The following ZFTA variants were observed in gnomAD, a reference collection of about 807,000 sequenced individuals.
ZFTA encodes zinc finger translocation associated.
Under a neutral mutation model 41.8 loss-of-function variants are expected in ZFTA, and 35 were observed. The ratio of observed to expected loss-of-function variants is 0.84; its 90% CI spans 0.64 to 1.11. ZFTA has a LOEUF of 1.11. ZFTA is among the 50% of genes most tolerant of loss of function. The probability of loss-of-function intolerance (pLI) is 0.00; values close to 1 mark genes in which losing one functional copy is unlikely to be tolerated. For synonymous variants in ZFTA, 514 were observed against 436.4 expected (o/e 1.18, Z -2.22); for missense variants, 964 against 989.8 (o/e 0.97, Z 0.35).
intron 1 of ZFTA, 42 bp downstream of exon 1, chr11:63,768,442 C>G (rs952266842): frequency 9.2e-7 from 1 of 1,083,346 alleles, no homozygotes; most frequent in Non-Finnish European, 1.1e-6. Context: ...TCCCTTCCCC[C>G]ACGCCGGGGC....
Position 63,764,240 on chromosome 11 carries a change from G to A in ZFTA, c.1383C>T (p.Arg461=). ...MSTIERHIRR[R]HPGSTRLGGP... ...CGCCGAGGCGCGTGGAGCCCGGGTGGCGCCGGCGGATGTGGCGCTCGATGG... is the reference window on the plus strand; with the variant it reads ...CGCCGAGGCGCGTGGAGCCCGGGTGACGCCGGCGGATGTGGCGCTCGATGG... The change falls in exon 4 of 5, where the codon CGC becomes CGT. Residue 461 remains arginine (R), a synonymous_variant. Coordinates refer to ENST00000433688, the MANE Select transcript of ZFTA (RefSeq NM_001144936.2). 6.9e-7 allele frequency: 1 copy of A among 1,447,308 alleles called. No individual in the cohort carries two copies. The highest frequency in any genetic ancestry group is 9.0e-7 in the Non-Finnish European group (1 of 1,107,326). 89.7% of individuals were successfully genotyped at this position (1,447,308 alleles called of 1,614,324 possible). A position where few individuals can be genotyped will look rare whatever the true frequency, so the allele number is the denominator to read the frequency against.
chr11:63,763,859 C>A lies in ZFTA; in HGVS notation c.1596G>T (p.Pro532=), dbSNP rs2135092597. ...GCTCCAAGGGAGCTCCAGGGGACAG[C>A]GGAACGTCGCCTAAGGAGGGACAAA... ...EEEEEEWGDV[P]LSPGAPLERP... Residue 532 remains proline (P), a synonymous_variant, in exon 5 of 5, where the codon CCG becomes CCT. Transcript: ENST00000433688. 1 of 1,424,422 alleles carries A rather than the reference C, an allele frequency of 7.0e-7. No homozygotes were observed. The highest frequency in any genetic ancestry group is 9.2e-7 in the Non-Finnish European group (1 of 1,089,496). The allele number at this position is 1,424,422 out of a possible 1,614,324, so 88.2% of individuals were successfully genotyped here.
At chr11:63,764,000 G>T in intron 4 of ZFTA, 38 bp downstream of exon 4, 1 of 1,301,108 alleles carries the variant, frequency 7.7e-7, no homozygotes, top group Non-Finnish European at 9.9e-7. Context: ...GCAACTGCCC[G>T]GCTCTCCCTC....
rs2014726567 is a variant in ZFTA, at chr11:63,765,194, C to T, written c.698G>A (p.Arg233Gln). Residue 233 changes from arginine to glutamine, a missense_variant, in exon 3 of 5, where the codon CGG (arginine) becomes CAG (glutamine). Physicochemically the swap from Arg to Gln is conservative, Grantham distance 43. Transcript: ENST00000433688. This position sits in a 1 kb window ranked among gnomAD's most constrained non-coding sequence, Gnocchi z 4.0. ...RQRRGGPVAP[R>Q]ARRLRLSASR... ...GGCTGAGAGGCGCAGACGCCGAGCC[C>T]GGGGTGCCACTGGGCCCCCTCGCCG... The T allele has an allele frequency of 6.6e-7, 1 of 1,507,864 alleles. No individual in the cohort carries two copies. The highest frequency in any genetic ancestry group is 2.4e-5 in the Admixed American group (1 of 41,876). The allele number at this position is 1,507,864 out of a possible 1,614,324, so 93.4% of individuals were successfully genotyped here.
chr11:63,763,477 C>T lies in ZFTA; in HGVS notation c.1978G>A (p.Ala660Thr), dbSNP rs1284803965. The change falls in exon 5 of 5, where the codon GCC becomes ACC. Residue 660 changes from alanine to threonine, a missense_variant. Ala to Thr is a moderately conservative substitution (Grantham distance 58). Coordinates refer to ENST00000433688, the MANE Select transcript of ZFTA (RefSeq NM_001144936.2). ...CYGHEGFGPP[A>T]PAPRDGGADL... ...GCGCCGCCGTCACGCGGCGCCGGGG[C>T]GGGCGGCCCGAAGCCCTCGTGGCCG... 2.0e-6 allele frequency: 3 copies of T among 1,509,342 alleles called. No individual in the cohort carries two copies. In the South Asian group the frequency reaches 3.7e-5, roughly 19 times the overall value. The allele number at this position is 1,509,342 out of a possible 1,614,324, so 93.5% of individuals were successfully genotyped here.
intron 1 of ZFTA, among the ~76,000 whole-genome samples, chr11:63,767,825 A>C (rs1344877516): frequency 6.6e-6 from 1 of 152,120 alleles, no homozygotes; most frequent in African/African-American, 2.4e-5. Flanking sequence ...AAAAATTCTG[A>C]AAAGAAGGGA....
chr11:63,766,596 G>C (rs1386295143), intron 1 of ZFTA, among the ~76,000 whole-genome samples: 1 of 152,210 alleles, frequency 6.6e-6, no homozygotes, highest in Non-Finnish European at 1.5e-5. Flanking sequence ...AACCAGCTCT[G>C]TAAGGTGCCC....
chr11:63,765,867 CCT>C lies in ZFTA; in HGVS notation c.575_576del (p.Glu192GlyfsTer85). On this transcript the variant is annotated frameshift_variant, in exon 2 of 5. Coordinates refer to ENST00000433688, the MANE Select transcript of ZFTA (RefSeq NM_001144936.2). LOFTEE classifies it high-confidence loss of function. The surrounding 1 kb of genome is among the most constrained non-coding windows in gnomAD (Gnocchi z 4.0). Reference protein sequence around the residue: ...LGVQGAEEEEEEEEEEEEEGA... With the variant: ...LGVQGAEEEEXEEEEEEEEGA... ...CCCTCCTCCTCCTCCTCTTCTTCCT[CCT>C]CCTCCTCCTCCTCAGCCCCCTGGAC... 1 of 1,502,272 alleles carries C rather than the reference CCT, an allele frequency of 6.7e-7. No individual in the cohort carries two copies. Among genetic ancestry groups the C allele is most frequent in the Non-Finnish European group, 8.9e-7 (1 of 1,121,916 alleles). The allele number at this position is 1,502,272 out of a possible 1,614,324, so 93.1% of individuals were successfully genotyped here.
Position 63,765,014 on chromosome 11 carries a change from G to A in ZFTA, c.878C>T (p.Pro293Leu). The A allele has an allele frequency of 1.3e-6, 2 of 1,548,988 alleles. No individual in the cohort carries two copies. Among genetic ancestry groups the A allele is most frequent in the Non-Finnish European group, 1.7e-6 (2 of 1,146,554 alleles). The change falls in exon 3 of 5, where the codon CCC becomes CTC. Residue 293 changes from proline (P) to leucine (L), a missense_variant. Physicochemically the swap from Pro to Leu is moderately conservative, Grantham distance 98 (BLOSUM62 -3). Around this residue, in one of 5 missense-constraint regions of ZFTA, gnomAD observed 584 missense variants for 523.1 expected, o/e 1.12. Coordinates refer to ENST00000433688, the MANE Select transcript of ZFTA (RefSeq NM_001144936.2). The surrounding 1 kb of genome is among the most constrained non-coding windows in gnomAD (Gnocchi z 4.0). ...ACGGATGTCGTCCAGGTGCAGGCTG[G>A]GCAGTGCCCGGCCACAGGCCATGCA... ...LVCMACGRAL[P>L]SLHLDDIRAH...
chr11:63,764,223 C>A lies in ZFTA; in HGVS notation c.1400G>T (p.Arg467Leu), dbSNP rs1170787626. The change falls in exon 4 of 5, where the codon CGC becomes CTC. Residue 467 changes from arginine to leucine, a missense_variant. Physicochemically the swap from Arg to Leu is moderately radical, Grantham distance 102 (BLOSUM62 -2). Coordinates refer to ENST00000433688, the MANE Select transcript of ZFTA (RefSeq NM_001144936.2). ...GAGGGCCTGGACAGGCCCGCCGAGG[C>A]GCGTGGAGCCCGGGTGGCGCCGGCG... ...HIRRRHPGST[R>L]LGGPVQALIA... 1 of 1,427,424 alleles carries A rather than the reference C, an allele frequency of 7.0e-7. No individual in the cohort carries two copies. The highest frequency in any genetic ancestry group is 3.0e-5 in the East Asian group (1 of 33,452). The allele number at this position is 1,427,424 out of a possible 1,614,324, so 88.4% of individuals were successfully genotyped here.
In ZFTA at chr11:63,768,732, G is replaced by A; in HGVS notation, c.-110C>T. 1 of 338,616 alleles carries A rather than the reference G, an allele frequency of 3.0e-6. No homozygotes were observed. The allele number at this position is 338,616 out of a possible 1,614,324, so 21.0% of individuals were successfully genotyped here. ...CGGGGCCCCGGGGCGCGGGGCGCAT[G>A]CACGGGGCGGCCGGCCGCACGGACG... is the stretch of plus-strand genomic sequence containing the variant. On this transcript the variant is annotated 5_prime_UTR_variant, in exon 1 of 5. Coordinates refer to ENST00000433688, the MANE Select transcript of ZFTA (RefSeq NM_001144936.2).
rs1426346708 is a variant in ZFTA at position 63,763,808 on chromosome 11, T to TTCGTCCTCC, written c.1638_1646dup (p.Glu549_Asp551dup). On this transcript the variant is annotated inframe_insertion, in exon 5 of 5. Coordinates refer to ENST00000433688, the MANE Select transcript of ZFTA (RefSeq NM_001144936.2). ...GTCCCCCAGGCTCCTGGCCGTCCTCTTCGTCCTCCTCTTCTTCGGCGGGCC... is the reference window on the plus strand; with the variant it reads ...GTCCCCCAGGCTCCTGGCCGTCCTCTTCGTCCTCCTCGTCCTCCTCTTCTTCGGCGGGCC... The TTCGTCCTCC allele has an allele frequency of 6.9e-7, 1 of 1,448,096 alleles. No individual in the cohort carries two copies. The highest frequency in any genetic ancestry group is 9.1e-7 in the Non-Finnish European group (1 of 1,103,108). The allele number at this position is 1,448,096 out of a possible 1,614,324, so 89.7% of individuals were successfully genotyped here. A position where few individuals can be genotyped will look rare whatever the true frequency, so the allele number is the denominator to read the frequency against.
In ZFTA at chr11:63,764,018, G is replaced by C. The variant is rs190405599; in HGVS notation, c.1585+20C>G. ...ACTGCCCGGCTCTCCCTCTCCGCCT[G>C]CTCTGGCCCCACCGCTCACCCCACT... On this transcript the variant is annotated intron_variant, in intron 4 of 4. Coordinates refer to ENST00000433688, the MANE Select transcript of ZFTA (RefSeq NM_001144936.2). 2.3e-6 allele frequency: 3 copies of C among 1,312,192 alleles called. No individual in the cohort carries two copies. Among genetic ancestry groups the C allele is most frequent in the Non-Finnish European group, 2.9e-6 (3 of 1,017,700 alleles). The allele number at this position is 1,312,192 out of a possible 1,614,324, so 81.3% of individuals were successfully genotyped here. A position where few individuals can be genotyped will look rare whatever the true frequency, so the allele number is the denominator to read the frequency against.
intron 3 of ZFTA, 85 bp from the exon 4 acceptor site, chr11:63,764,683 C>T: frequency 7.7e-7 from 1 of 1,306,478 alleles, no homozygotes; most frequent in Non-Finnish European, 9.7e-7. Context: ...CCTGGCTCCT[C>T]ACCCCAGCCC....
Position 63,762,783 on chromosome 11 carries a change from G to C in ZFTA, c.*635C>G, listed in dbSNP as rs1160122578. On this transcript the variant is annotated 3_prime_UTR_variant, in exon 5 of 5. Transcript: ENST00000433688. ...GCGCAGCTGGTCCAGCCCGGGCCCC[G>C]GGCGCGTAGCCCCGCCCTCGGTCCA... is the stretch of plus-strand genomic sequence containing the variant. 2 of 152,140 alleles carry C rather than the reference G, an allele frequency of 1.3e-5. No homozygotes were observed. The highest frequency in any genetic ancestry group is 2.9e-5 in the Non-Finnish European group (2 of 68,000). The allele number at this position is 152,140 out of a possible 1,614,324, so 9.4% of individuals were successfully genotyped here. A position where few individuals can be genotyped will look rare whatever the true frequency, so the allele number is the denominator to read the frequency against.
chr11:63,764,360 G>C lies in ZFTA; in HGVS notation c.1263C>G (p.Arg421=). 1 of 1,325,676 alleles carries C rather than the reference G, an allele frequency of 7.5e-7. No homozygotes were observed. Among genetic ancestry groups the C allele is most frequent in the Non-Finnish European group, 9.6e-7 (1 of 1,042,200 alleles). 82.1% of individuals were successfully genotyped at this position (1,325,676 alleles called of 1,614,324 possible). ...ACTCCATGAGGTACTCCAGCCGCCA[G>C]CGCTCCTGGGGGTGGCGGCGGTGGG... ...GRAHRRHPQE[R]WRLEYLMELD... is the part of the protein sequence containing the mutation. The change falls in exon 4 of 5, where the codon CGC becomes CGG. Residue 421 remains arginine, a synonymous_variant. Transcript: ENST00000433688.
Position 63,764,949 on chromosome 11 carries a change from T to A in ZFTA, c.943A>T (p.Ser315Cys). 6.5e-7 allele frequency: 1 copy of A among 1,548,058 alleles called. No homozygotes were observed. The highest frequency in any genetic ancestry group is 8.7e-7 in the Non-Finnish European group (1 of 1,146,454). The change falls in exon 3 of 5, where the codon AGC becomes TGC. Residue 315 changes from serine (S) to cysteine (C), a missense_variant. Physicochemically the swap from Ser to Cys is moderately radical, Grantham distance 112. Transcript: ENST00000433688. ...LEVHPGSLGL[S>C]GPQRSALLQA... ...AGCAGGGCACTGCGCTGGGGGCCGC[T>A]GAGCCCCAGGGAGCCAGGGTGCACC... is the stretch of plus-strand genomic sequence containing the variant.
At position 63,764,758 on chromosome 11, in the gene ZFTA, G is replaced by A. The variant is rs1009818017; in HGVS notation, c.1024+110C>T. The A allele has an allele frequency of 7.2e-6, 10 of 1,394,200 alleles. No individual in the cohort carries two copies. In the East Asian group the frequency reaches 2.4e-4, roughly 34 times the overall value. 86.4% of individuals were successfully genotyped at this position (1,394,200 alleles called of 1,614,324 possible). The stretch of plus-strand genomic sequence containing the variant: ...GGGAAAGTATGTGTGTGGAGCACCA[G>A]CTCCTGGCCTTCAGCCCTCAGCCCT... On this transcript the variant is annotated intron_variant, in intron 3 of 4. Transcript: ENST00000433688.
chr11:63,764,060 T>G lies in ZFTA; in HGVS notation c.1563A>C (p.Pro521=). Residue 521 remains proline, a synonymous_variant, in exon 4 of 5, where the codon CCA becomes CCC. Coordinates refer to ENST00000433688, the MANE Select transcript of ZFTA (RefSeq NM_001144936.2). ...DEGGGDEEEE[P]EEEEEEWGDV... ...CACCCCACTCCTCCTCCTCCTCCTCTGGCTCCTCCTCCTCGTCCCCTCCCC... is the reference window on the plus strand; with the variant it reads ...CACCCCACTCCTCCTCCTCCTCCTCGGGCTCCTCCTCCTCGTCCCCTCCCC... 2.3e-6 allele frequency: 3 copies of G among 1,332,668 alleles called. No individual in the cohort carries two copies. Among genetic ancestry groups the G allele is most frequent in the Non-Finnish European group, 2.9e-6 (3 of 1,043,446 alleles). The allele number at this position is 1,332,668 out of a possible 1,614,324, so 82.6% of individuals were successfully genotyped here. A position where few individuals can be genotyped will look rare whatever the true frequency, so the allele number is the denominator to read the frequency against.
Sources: allele counts gnomAD v4.1 joint callset (sites outside exome capture counted in the v4.1 genomes callset), GRCh38; gene constraint gnomAD v4.1.1; regional missense constraint gnomAD v4.1.1; non-coding constraint Gnocchi (gnomAD v3.1); transcripts MANE v1.5; gene names NCBI Gene and HGNC (gene_info 2026-07-23, HGNC 2026-07-21).